PDE8B: variants seen among roughly 807,000 people sequenced by gnomAD.
The protein encoded by PDE8B is phosphodiesterase 8B.
A neutral mutation model predicts 101.3 loss-of-function variants in PDE8B; 26 were observed. The observed-to-expected ratio is 0.26, with a 90% CI of 0.19 to 0.36. The LOEUF (loss-of-function observed/expected upper bound fraction) is 0.36. Among genes scored for constraint, PDE8B ranks in the 10% least tolerant of loss-of-function variants. The pLI, the probability that PDE8B is intolerant of heterozygous loss-of-function variation, is 1.00. For synonymous variants in PDE8B, 424 were observed against 429.3 expected (o/e 0.99, Z 0.15); for missense variants, 810 against 1,163.1 (o/e 0.70, Z 4.42).
chr5:77,283,971 C>T (rs1765521223), intron 1 of PDE8B, among the ~76,000 whole-genome samples: 1 of 152,232 alleles, frequency 6.6e-6, no homozygotes, highest in South Asian at 2.1e-4. Context: ...GTTCCTGATG[C>T]TCCATGTCCT....
At chr5:77,157,529 A>G in the PDE8B span, among the ~76,000 whole-genome samples, 4 of 152,254 alleles carry the variant, frequency 2.6e-5, no homozygotes, top group African/African-American at 4.8e-5. Flanking sequence ...GACAATCACA[A>G]CGATTCAGGC....
intron 1 of PDE8B, among the ~76,000 whole-genome samples, chr5:77,243,666 T>C (rs565602617): frequency 2.0e-5 from 3 of 152,194 alleles, no homozygotes; most frequent in South Asian, 2.1e-4. Context: ...TGTTGTAGCA[T>C]GTGTGAGTAG....
At chr5:77,294,198 G>A (rs530420342) in intron 1 of PDE8B, among the ~76,000 whole-genome samples, 1 of 152,082 alleles carries the variant, frequency 6.6e-6, no homozygotes, top group African/African-American at 2.4e-5. Context: ...ATAAAACTAA[G>A]GATTAGAGTA....
chr5:77,248,601 T>C (rs1757442402), intron 1 of PDE8B, among the ~76,000 whole-genome samples: 2 of 152,182 alleles, frequency 1.3e-5, no homozygotes, highest in African/African-American at 4.8e-5. Context: ...GGTTGTTACC[T>C]GACACACTAA....
At chr5:77,408,667 T>G (rs1793973959) in intron 13 of PDE8B, among the ~76,000 whole-genome samples, 1 of 152,106 alleles carries the variant, frequency 6.6e-6, no homozygotes, top group Non-Finnish European at 1.5e-5. Context: ...GAGGTGAATC[T>G]GCAAGGGAGC....
At chr5:77,217,447 T>C (rs374812481) in intron 1 of PDE8B, among the ~76,000 whole-genome samples, 5 of 152,220 alleles carry the variant, frequency 3.3e-5, no homozygotes, top group African/African-American at 1.2e-4. Context: ...TTTAAAAATA[T>C]TAAAATGTGT....
intron 10 of PDE8B, among the ~76,000 whole-genome samples, chr5:77,385,232 T>C (rs1409569398): frequency 6.6e-6 from 1 of 152,214 alleles, no homozygotes; most frequent in African/African-American, 2.4e-5. Context: ...ATTTATCTGT[T>C]TCTTCTAGAT....
chr5:77,407,167 G>A (rs1581532350), intron 12 of PDE8B, among the ~76,000 whole-genome samples: 1 of 152,166 alleles, frequency 6.6e-6, no homozygotes, highest in African/African-American at 2.4e-5. Context: ...AAGCCCTCCT[G>A]CCTCCAAAGT....
intron 10 of PDE8B, among the ~76,000 whole-genome samples, chr5:77,397,774 A>T (rs1227695575): frequency 2.6e-5 from 4 of 152,232 alleles, no homozygotes; most frequent in Non-Finnish European, 4.4e-5. Context: ...AGAAATGAGT[A>T]GCCCTTATAG....
At chr5:77,296,715 T>C (rs936243820) in intron 1 of PDE8B, among the ~76,000 whole-genome samples, 4 of 152,224 alleles carry the variant, frequency 2.6e-5, no homozygotes, top group African/African-American at 9.6e-5. Flanking sequence ...TTATTGATTG[T>C]GGTGAGTTAT....
At chr5:77,335,666 C>T (rs749061939) in intron 5 of PDE8B, among the ~76,000 whole-genome samples, 19 of 152,052 alleles carry the variant, frequency 1.2e-4, no homozygotes, top group Non-Finnish European at 2.6e-4. Flanking sequence ...GCCTAGTATT[C>T]TCCTCCTCCA....
upstream of PDE8B, chr5:77,210,523 C>A: frequency 4.5e-6 from 3 of 661,312 alleles, no homozygotes; most frequent in Non-Finnish European, 5.6e-6. The surrounding 1 kb of genome is among the most constrained non-coding windows in gnomAD (Gnocchi z 4.9). Flanking sequence ...GGCGGGCGGG[C>A]GCCCTGGCCC....
intron 1 of PDE8B, among the ~76,000 whole-genome samples, chr5:77,241,727 A>G (rs1183336132): frequency 3.3e-5 from 5 of 152,186 alleles, no homozygotes; most frequent in African/African-American, 1.2e-4. Context: ...AGCAAAGTTC[A>G]CGTTGGCCAT....
chr5:77,210,621 G>T, upstream of PDE8B: 1 of 982,342 alleles, frequency 1.0e-6, no homozygotes, highest in Non-Finnish European at 1.2e-6. The surrounding 1 kb of genome is among the most constrained non-coding windows in gnomAD (Gnocchi z 4.9). Context: ...GAGGCGCGGG[G>T]AGCGTGTTTG....
chr5:77,366,328 TCAGGAGATG>T (rs1196735560), intron 10 of PDE8B, among the ~76,000 whole-genome samples: 2 of 152,238 alleles, frequency 1.3e-5, no homozygotes, highest in African/African-American at 4.8e-5. Context: ...TACTGGGCTC[TCAGGAGATG>T]CAGCAAACGG....
At chr5:77,343,686 T>G (rs1779625010) in intron 6 of PDE8B, among the ~76,000 whole-genome samples, 1 of 152,164 alleles carries the variant, frequency 6.6e-6, no homozygotes, top group African/African-American at 2.4e-5. Context: ...CATTAAAACA[T>G]TTTCCTTTCT....
chr5:77,227,250 T>C (rs578044560), intron 1 of PDE8B, among the ~76,000 whole-genome samples: 6 of 152,234 alleles, frequency 3.9e-5, no homozygotes, highest in Non-Finnish European at 7.3e-5. Context: ...TGATCCATAA[T>C]GATCCTGTAG....
chr5:77,331,523 A>G (rs757242495), intron 5 of PDE8B, 64 bp downstream of exon 5: 3 of 1,257,376 alleles, frequency 2.4e-6, no homozygotes, highest in Non-Finnish European at 3.5e-6. Context: ...CTCTCCCATA[A>G]CAGGGAAGCA....
chr5:77,263,226 T>C (rs1760996089), intron 1 of PDE8B, among the ~76,000 whole-genome samples: 1 of 152,178 alleles, frequency 6.6e-6, no homozygotes, highest in Non-Finnish European at 1.5e-5. Flanking sequence ...GCAGAATACA[T>C]TTTTGTAAGA....
Sources: gnomAD v4.1 joint callset for allele counts (sites outside exome capture counted in the v4.1 genomes callset) on GRCh38, gnomAD v4.1.1 for gene constraint, Gnocchi (gnomAD v3.1) non-coding constraint, MANE v1.5 for transcripts, NCBI Gene and HGNC (gene_info 2026-07-23, HGNC 2026-07-21) for gene names.